The following DGKI variants were observed in gnomAD, a reference collection of about 807,000 sequenced individuals.
DGKI encodes the protein diacylglycerol kinase iota, also known as DAG kinase iota.
A neutral mutation model predicts 147.5 loss-of-function variants in DGKI; 55 were observed. That is an observed-to-expected ratio of 0.37 (90% CI 0.30 to 0.47). The LOEUF (loss-of-function observed/expected upper bound fraction) is 0.47, where lower values mean the gene tolerates loss of function less well. Among genes scored for constraint, DGKI ranks in the 20% least tolerant of loss-of-function variants. The pLI, the probability that DGKI is intolerant of heterozygous loss-of-function variation, is 1.00. For missense variants in DGKI, 1,007 were observed against 1,323.8 expected (o/e 0.76, Z 3.71); for synonymous variants, 469 against 477.1 (o/e 0.98, Z 0.22).
At chr7:137,679,880 A>C (rs959552339) in intron 2 of DGKI, among the ~76,000 whole-genome samples, 1 of 150,422 alleles carries the variant, frequency 6.6e-6, no homozygotes, top group Non-Finnish European at 1.5e-5. Context: ...AATCCCAGCT[A>C]TTCAGGAGGC....
intron 20 of DGKI, among the ~76,000 whole-genome samples, chr7:137,538,764 T>C (rs999784231): frequency 2.0e-5 from 3 of 152,196 alleles, no homozygotes; most frequent in African/African-American, 4.8e-5. Flanking sequence ...CATGCGGCTA[T>C]ACAATGTGGA....
At chr7:137,434,275 A>T (rs1563016998) in intron 28 of DGKI, among the ~76,000 whole-genome samples, 1 of 152,170 alleles carries the variant, frequency 6.6e-6, no homozygotes, top group East Asian at 1.9e-4. Flanking sequence ...CTGTAGGTAA[A>T]TTTTAATAAA....
At chr7:137,673,422 A>G (rs1466826304) in intron 3 of DGKI, among the ~76,000 whole-genome samples, 1 of 152,184 alleles carries the variant, frequency 6.6e-6, no homozygotes, top group African/African-American at 2.4e-5. Context: ...CCCACTCCCT[A>G]GAGATCCTGA....
chr7:137,421,365 TCCC>T (rs1812564161), intron 28 of DGKI, among the ~76,000 whole-genome samples: 1 of 152,360 alleles, frequency 6.6e-6, no homozygotes, highest in African/African-American at 2.4e-5. Flanking sequence ...ACAGAATTAA[TCCC>T]CCAATTCAAT....
chr7:137,432,444 T>C (rs1480781188), intron 28 of DGKI, among the ~76,000 whole-genome samples: 1 of 152,218 alleles, frequency 6.6e-6, no homozygotes, highest in East Asian at 1.9e-4. Flanking sequence ...ACATTGATGG[T>C]TGCTCTCACT....
intron 21 of DGKI, among the ~76,000 whole-genome samples, chr7:137,516,179 C>T (rs914280804): frequency 1.5e-4 from 23 of 152,040 alleles, no homozygotes; most frequent in Non-Finnish European, 2.9e-4. Context: ...ACTCTTGAAG[C>T]ACAATGTACT....
At chr7:137,598,716 C>A (rs906875275) in intron 11 of DGKI, among the ~76,000 whole-genome samples, 2 of 152,012 alleles carry the variant, frequency 1.3e-5, no homozygotes, top group Non-Finnish European at 2.9e-5. Flanking sequence ...ATTTCCTGTC[C>A]TACCATGTTC....
At chr7:137,556,690 G>GCATGT (rs1818235616) in intron 19 of DGKI, among the ~76,000 whole-genome samples, 1 of 152,072 alleles carries the variant, frequency 6.6e-6, no homozygotes, top group Non-Finnish European at 1.5e-5. Flanking sequence ...AAATGGAGAG[G>GCATGT]CATGTTATAT....
rs551536262 is a variant in DGKI, at chr7:137,678,155, G to T, written c.606+402C>A. Among the ~76,000 whole-genome samples, 13 of 152,104 alleles carry T rather than the reference G, an allele frequency of 8.5e-5. No individual in the cohort carries two copies. The South Asian group carries it at 2.5e-3, about 29-fold the overall frequency. On this transcript the variant is annotated intron_variant, in intron 3 of 32. Transcript: ENST00000614521. Reference sequence around the variant, plus strand: ...CCTCTCTTTCCACCTTCACCCACCAGTAAAGCCCCCACTGTGGCCACTTCC... The same window carrying T: ...CCTCTCTTTCCACCTTCACCCACCATTAAAGCCCCCACTGTGGCCACTTCC...
intron 1 of DGKI, among the ~76,000 whole-genome samples, chr7:137,815,211 G>A (rs966715012): frequency 2.7e-4 from 41 of 152,130 alleles, no homozygotes; most frequent in Admixed American, 2.7e-3. Flanking sequence ...TCCTGGAGCA[G>A]CTAGAAAGAG....
chr7:137,790,306 T>C (rs569132834), intron 1 of DGKI, among the ~76,000 whole-genome samples: 2 of 151,978 alleles, frequency 1.3e-5, no homozygotes, highest in South Asian at 4.2e-4. Flanking sequence ...TATGACAGTA[T>C]GCTGCATTCA....
intron 19 of DGKI, among the ~76,000 whole-genome samples, chr7:137,562,850 T>C (rs911095666): frequency 2.0e-5 from 3 of 152,132 alleles, no homozygotes; most frequent in Admixed American, 1.3e-4. Flanking sequence ...AAAAAAATCA[T>C]AGTACCAGTC....
chr7:137,528,358 C>T (rs1002526739), intron 20 of DGKI, among the ~76,000 whole-genome samples: 7 of 152,144 alleles, frequency 4.6e-5, no homozygotes, highest in African/African-American at 1.7e-4. Context: ...TCTGAACTAC[C>T]TGTTCTTCAA....
intron 21 of DGKI, among the ~76,000 whole-genome samples, chr7:137,505,644 T>C (rs1816340856): frequency 6.6e-6 from 1 of 151,598 alleles, no homozygotes; most frequent in Admixed American, 6.6e-5. Context: ...GGTACTAGTA[T>C]TCCTAAATGT....
intron 1 of DGKI, among the ~76,000 whole-genome samples, chr7:137,804,092 C>T (rs1797293462): frequency 6.6e-6 from 1 of 152,200 alleles, no homozygotes; most frequent in Admixed American, 6.5e-5. Context: ...TTAGACCATT[C>T]TCTCTTCACA....
intron 12 of DGKI, among the ~76,000 whole-genome samples, chr7:137,592,633 A>G (rs1819656765): frequency 6.6e-6 from 1 of 152,206 alleles, no homozygotes; most frequent in South Asian, 2.1e-4. Context: ...CTTGTAGTAC[A>G]TGCAGGCCAA....
chr7:137,517,585 C>T (rs533570661), intron 21 of DGKI, among the ~76,000 whole-genome samples: 5 of 152,194 alleles, frequency 3.3e-5, no homozygotes, highest in South Asian at 2.1e-4. Context: ...CCTTGACAAA[C>T]GCACCATGGT....
intron 1 of DGKI, among the ~76,000 whole-genome samples, chr7:137,712,987 A>T (rs1357073393): frequency 1.3e-5 from 2 of 152,296 alleles, no homozygotes; most frequent in East Asian, 3.9e-4. Flanking sequence ...AGTAACAAAG[A>T]TCTAGACAAA....
intron 12 of DGKI, among the ~76,000 whole-genome samples, chr7:137,596,414 T>C (rs1819801198): frequency 6.6e-6 from 1 of 152,122 alleles, no homozygotes; most frequent in African/African-American, 2.4e-5. Context: ...AAGAACACAG[T>C]ATATCCATCC....
Sources: gnomAD v4.1 joint callset for allele counts (sites outside exome capture counted in the v4.1 genomes callset) on GRCh38, gnomAD v4.1.1 for gene constraint, MANE v1.5 for transcripts, NCBI Gene and HGNC (gene_info 2026-07-23, HGNC 2026-07-21) for gene names.